The following UGT1A10 variants were observed in gnomAD, a reference collection of about 807,000 sequenced individuals.
UGT1A10 encodes UDP-glucuronosyltransferase 1A10.
In UGT1A10, 49 loss-of-function variants were observed where a neutral mutation model predicts 45.8. The ratio of observed to expected loss-of-function variants is 1.07; its 90% CI spans 0.85 to 1.36. UGT1A10 has a LOEUF of 1.36. Among genes scored for constraint, UGT1A10 ranks in the 40% most tolerant of loss-of-function variants. The probability of loss-of-function intolerance (pLI) is 0.00; values close to 1 mark genes in which losing one functional copy is unlikely to be tolerated. For missense variants in UGT1A10, 745 were observed against 668.6 expected, an observed-to-expected ratio of 1.11 and a Z score of -1.26; for synonymous variants, 284 against 249.7, an observed-to-expected ratio of 1.14 and a Z score of -1.29.
At chr2:233,696,369 A>G (rs1457568819) in intron 1 of UGT1A10, among the ~76,000 whole-genome samples, 2 of 152,112 alleles carry the variant, frequency 1.3e-5, no homozygotes, top group Admixed American at 6.5e-5. Flanking sequence ...ATTTATTCCT[A>G]GGTATTATAT....
chr2:233,688,149 G>A (rs975750928), intron 1 of UGT1A10, among the ~76,000 whole-genome samples: 1 of 152,048 alleles, frequency 6.6e-6, no homozygotes. Flanking sequence ...GTATGGATTT[G>A]CCTATTCTGG....
chr2:233,718,386 A>T (rs1466849872), intron 1 of UGT1A10, among the ~76,000 whole-genome samples: 1 of 152,240 alleles, frequency 6.6e-6, no homozygotes, highest in East Asian at 1.9e-4. Context: ...AAGAGTTTCA[A>T]GGGTTAGCAA....
chr2:233,649,778 G>A (rs1346735367), intron 1 of UGT1A10, among the ~76,000 whole-genome samples: 1 of 152,142 alleles, frequency 6.6e-6, no homozygotes, highest in African/African-American at 2.4e-5. Flanking sequence ...AAAGTATAAA[G>A]CAGAATGCCC....
chr2:233,707,013 C>A (rs1559354964), intron 1 of UGT1A10, among the ~76,000 whole-genome samples: 1 of 152,150 alleles, frequency 6.6e-6, no homozygotes, highest in Non-Finnish European at 1.5e-5. Flanking sequence ...ACCTAGGATC[C>A]ATGGTCAGCC....
intron 1 of UGT1A10, among the ~76,000 whole-genome samples, chr2:233,740,113 T>C (rs1443736417): frequency 6.6e-6 from 1 of 151,884 alleles, no homozygotes. Flanking sequence ...CCTTTGCTTA[T>C]CTCTCACCTT....
At chr2:233,749,358 A>G (rs1263480064) in intron 1 of UGT1A10, among the ~76,000 whole-genome samples, 1 of 151,706 alleles carries the variant, frequency 6.6e-6, no homozygotes, top group Non-Finnish European at 1.5e-5. Context: ...TTAAATAGTG[A>G]CTCTTGCCCT....
At chr2:233,666,128 A>G (rs2074071333) in intron 1 of UGT1A10, among the ~76,000 whole-genome samples, 1 of 152,244 alleles carries the variant, frequency 6.6e-6, no homozygotes, top group Admixed American at 6.5e-5. Context: ...GAGGGTGCTG[A>G]TCACATGGCT....
intron 1 of UGT1A10, among the ~76,000 whole-genome samples, chr2:233,759,177 G>A (rs926803147): frequency 1.3e-5 from 2 of 152,142 alleles, no homozygotes; most frequent in East Asian, 1.9e-4. Flanking sequence ...CAGGTTTCAC[G>A]GCAAAAAGTT....
At chr2:233,759,644 C>A (rs34916116) in intron 1 of UGT1A10, among the ~76,000 whole-genome samples, 5,494 of 124,518 alleles carry the variant, frequency 0.044, 131 homozygotes, top group Non-Finnish European at 0.061. Flanking sequence ...TAGCATGCTT[C>A]ACGATTTCTA....
At chr2:233,693,730 T>C (rs1275166872) in intron 1 of UGT1A10, 1 of 1,614,242 alleles carries the variant, frequency 6.2e-7, no homozygotes, top group Admixed American at 1.7e-5. Flanking sequence ...GAGATGTGGA[T>C]ATAATCACCT....
At chr2:233,672,569 T>C (rs928468455) in intron 1 of UGT1A10, 1 of 1,613,966 alleles carries the variant, frequency 6.2e-7, no homozygotes. Context: ...AACCACATCA[T>C]GCACTTGGAG....
chr2:233,711,517 T>C (rs2076184771), intron 1 of UGT1A10, among the ~76,000 whole-genome samples: 4 of 152,144 alleles, frequency 2.6e-5, no homozygotes, highest in Admixed American at 2.6e-4. Context: ...GCGCTCTGTG[T>C]CCTCACAACT....
chr2:233,747,268 C>T lies in UGT1A10; in HGVS notation c.856-19766C>T, dbSNP rs567491863. On this transcript the variant is annotated intron_variant, in intron 1 of 4. Coordinates refer to ENST00000344644, the MANE Select transcript of UGT1A10 (RefSeq NM_019075.4). ...GTGGCTGGCCACAGGAGTGCTACTC[C>T]TTCTCAGTGCCCAGCCCTGGGCTGA... 3.1e-6 allele frequency: 5 copies of T among 1,599,420 alleles called. No individual in the cohort carries two copies. In the African/African-American group the frequency reaches 4.0e-5, roughly 13 times the overall value.
chr2:233,640,429 C>T (rs1303008884), intron 1 of UGT1A10, among the ~76,000 whole-genome samples: 1 of 152,034 alleles, frequency 6.6e-6, no homozygotes, highest in Non-Finnish European at 1.5e-5. Flanking sequence ...TACACGGCCA[C>T]AATATCGTTA....
chr2:233,668,404 C>T (rs1029637445), intron 1 of UGT1A10, among the ~76,000 whole-genome samples: 1 of 152,182 alleles, frequency 6.6e-6, no homozygotes, highest in Non-Finnish European at 1.5e-5. Flanking sequence ...TTTATGGCTG[C>T]ATAGTATTCC....
At chr2:233,728,727 T>C (rs1208956331) in intron 1 of UGT1A10, among the ~76,000 whole-genome samples, 1 of 152,204 alleles carries the variant, frequency 6.6e-6, no homozygotes, top group Non-Finnish European at 1.5e-5. Flanking sequence ...AGAGAGCATA[T>C]GACTGGGGGC....
rs1700539683 is a variant in UGT1A10 at position 233,772,631 on chromosome 2, T to C, written c.*72T>C. ...TTTCCAAACTTGAAAACAGAATCAG[T>C]GTTAAATTCATTTTATTCTTATTAA... On this transcript the variant is annotated 3_prime_UTR_variant, in exon 5 of 5. Coordinates refer to ENST00000344644, the MANE Select transcript of UGT1A10 (RefSeq NM_019075.4). 1.2e-5 allele frequency: 19 copies of C among 1,558,348 alleles called. No individual in the cohort carries two copies. The South Asian group carries it at 2.2e-4, about 18-fold the overall frequency.
At chr2:233,747,965 T>C (rs1575687176) in intron 1 of UGT1A10, 2 of 1,613,472 alleles carry the variant, frequency 1.2e-6, no homozygotes, top group Non-Finnish European at 1.7e-6. Flanking sequence ...TTCTCAGCCA[T>C]GCATCTGTGT....
At chr2:233,695,921 C>A (rs2075314397) in intron 1 of UGT1A10, among the ~76,000 whole-genome samples, 1 of 152,044 alleles carries the variant, frequency 6.6e-6, no homozygotes, top group South Asian at 2.1e-4. Flanking sequence ...CTCCACACAC[C>A]AAGCAAGCAG....
Sources: allele counts gnomAD v4.1 joint callset (sites outside exome capture counted in the v4.1 genomes callset), GRCh38; gene constraint gnomAD v4.1.1; transcripts MANE v1.5; gene names NCBI Gene and HGNC (gene_info 2026-07-23, HGNC 2026-07-21).